RTL9: variants seen among roughly 807,000 people sequenced by gnomAD.
RTL9 encodes the protein retrotransposon Gag like 9, also known as retrotransposon Gag-like protein 9.
In RTL9, 19 loss-of-function variants were observed where a neutral mutation model predicts 44.7. That is an observed-to-expected ratio of 0.42 (90% confidence interval 0.30 to 0.62). RTL9 has a LOEUF of 0.62. Among genes scored for constraint, RTL9 ranks in the 20% least tolerant of loss-of-function variants. The pLI is 0.16. For synonymous variants in RTL9, 407 were observed against 398.9 expected (o/e 1.02, Z -0.24); for missense variants, 1,105 against 1,080.6 (o/e 1.02, Z -0.32).
intron 1 of RTL9, among the ~76,000 whole-genome samples, chrX:110,423,236 G>A (rs756904963): frequency 9.0e-6 from 1 of 110,726 alleles, no homozygotes; most frequent in Non-Finnish European, 1.9e-5. Flanking sequence ...TCTGAGACAG[G>A]AGAATTGCTT....
intron 1 of RTL9, among the ~76,000 whole-genome samples, chrX:110,423,449 C>T (rs920600935): frequency 8.9e-6 from 1 of 111,992 alleles, no homozygotes; most frequent in Admixed American, 9.4e-5. Flanking sequence ...GACTTCTCTG[C>T]TAGGGTTAAT....
At chrX:110,400,217 A>G (rs190413327) in intron 1 of RTL9, among the ~76,000 whole-genome samples, 1 of 105,904 alleles carries the variant, frequency 9.4e-6, no homozygotes, top group East Asian at 2.9e-4. Context: ...GCCACTGAGT[A>G]GATATCTTGT....
At chrX:110,395,123 T>A (rs984121015) in intron 1 of RTL9, among the ~76,000 whole-genome samples, 7 of 112,612 alleles carry the variant, frequency 6.2e-5, no homozygotes, top group Non-Finnish European at 1.1e-4. Context: ...GGCTGCTTTG[T>A]GGGAAGCCAA....
intron 2 of RTL9, 74 bp downstream of exon 2, chrX:110,445,342 CTTTG>C (rs1358105679): frequency 1.5e-4 from 17 of 112,484 alleles, no homozygotes; most frequent in African/African-American, 5.2e-4. Context: ...AAAAAAGCCA[CTTTG>C]TTTGTTTATC....
At chrX:110,433,004 C>T (rs1271597462) in intron 1 of RTL9, among the ~76,000 whole-genome samples, 2 of 112,645 alleles carry the variant, frequency 1.8e-5, no homozygotes, top group Non-Finnish European at 3.8e-5. Flanking sequence ...GAAGCAAGTC[C>T]TCGACCTCCT....
chrX:110,374,614 A>G (rs1165088765), intron 1 of RTL9, among the ~76,000 whole-genome samples: 1 of 112,202 alleles, frequency 8.9e-6, no homozygotes, highest in Non-Finnish European at 1.9e-5. Context: ...AAGTAGGGCT[A>G]TTAAGACATT....
At chrX:110,412,397 T>A (rs953612473) in intron 1 of RTL9, among the ~76,000 whole-genome samples, 3 of 112,311 alleles carry the variant, frequency 2.7e-5, no homozygotes, top group Non-Finnish European at 5.6e-5. Flanking sequence ...TTATAATACA[T>A]CCCAATAATG....
chrX:110,452,910 G>A lies in RTL9; in HGVS notation c.2293G>A (p.Glu765Lys), dbSNP rs147626656. The A allele has an allele frequency of 1.7e-5, 21 of 1,210,109 alleles. No individual in the cohort carries two copies. Among genetic ancestry groups the A allele is most frequent in the Non-Finnish European group, 7.8e-6 (7 of 895,259 alleles). The change falls in exon 1 of 2, where the codon GAA (glutamate) becomes AAA (lysine). Residue 765 changes from glutamate to lysine, a missense_variant. Glu to Lys is a moderately conservative substitution (Grantham distance 56, BLOSUM62 1). Coordinates refer to ENST00000540313, the Ensembl canonical transcript of RTL9. Reference sequence around the variant, plus strand: ...ACCAACAGTGAGAGCCTGGACCTCTGAAACAATGTCCACACCACTAATGAG... The same window carrying A: ...ACCAACAGTGAGAGCCTGGACCTCTAAAACAATGTCCACACCACTAATGAG...
At chrX:110,371,912 G>T (rs1260209483) in intron 1 of RTL9, among the ~76,000 whole-genome samples, 2 of 111,014 alleles carry the variant, frequency 1.8e-5, no homozygotes, top group Non-Finnish European at 1.9e-5. Flanking sequence ...TAAACAGTCC[G>T]TTCATTAAAC....
At chrX:110,373,848 A>G (rs1284337748) in intron 1 of RTL9, among the ~76,000 whole-genome samples, 1 of 112,242 alleles carries the variant, frequency 8.9e-6, no homozygotes, top group Non-Finnish European at 1.9e-5. Flanking sequence ...TGAGCATTGT[A>G]AGATTTTAGT....
chrX:110,415,169 C>G (rs1443895112), upstream of RTL9, among the ~76,000 whole-genome samples: 1 of 112,000 alleles, frequency 8.9e-6, no homozygotes, highest in Non-Finnish European at 1.9e-5. Context: ...GGCCGTAGCA[C>G]CAGAGCCATG....
At chrX:110,442,797 C>T (rs189732036) in intron 1 of RTL9, among the ~76,000 whole-genome samples, 4 of 111,754 alleles carry the variant, frequency 3.6e-5, no homozygotes, top group African/African-American at 1.3e-4. Context: ...CTTGGTACCA[C>T]GTGACCCTGC....
At chrX:110,437,126 C>T (rs1042389735) in intron 1 of RTL9, among the ~76,000 whole-genome samples, 5 of 111,409 alleles carry the variant, frequency 4.5e-5, no homozygotes, top group Non-Finnish European at 5.7e-5. Flanking sequence ...TCAGAACTAG[C>T]GAGAGGAAAG....
At chrX:110,419,075 C>T (rs746573264) in exon 1 of RTL9, 4 of 112,228 alleles carry the variant, frequency 3.6e-5, no homozygotes, top group Non-Finnish European at 7.5e-5. Flanking sequence ...GCCTCAGCCC[C>T]GCCCTACTGA....
At chrX:110,363,398 G>A (rs2148252266) in intron 1 of RTL9, among the ~76,000 whole-genome samples, 1 of 111,903 alleles carries the variant, frequency 8.9e-6, no homozygotes, top group African/African-American at 3.2e-5. Flanking sequence ...ATTGCCCACT[G>A]TAGAAATGAG....
At chrX:110,414,738 G>A (rs1024638605), upstream of RTL9, among the ~76,000 whole-genome samples, 3 of 112,186 alleles carry the variant, frequency 2.7e-5, no homozygotes, top group East Asian at 8.4e-4. Context: ...TCTGTTGCTG[G>A]GACAATCTTT....
At chrX:110,410,979 C>T (rs2068638178) in intron 1 of RTL9, among the ~76,000 whole-genome samples, 1 of 112,377 alleles carries the variant, frequency 8.9e-6, no homozygotes, top group Admixed American at 9.4e-5. Context: ...AATGGCAAAT[C>T]TATCTGCTCT....
intron 1 of RTL9, among the ~76,000 whole-genome samples, chrX:110,361,239 T>G (rs2068261638): frequency 9.0e-6 from 1 of 111,436 alleles, no homozygotes; most frequent in African/African-American, 3.3e-5. Context: ...TTTTTCCCTC[T>G]TTCATATCCT....
upstream of RTL9, among the ~76,000 whole-genome samples, chrX:110,446,102 T>C (rs1040441382): frequency 2.7e-5 from 3 of 111,318 alleles, no homozygotes; most frequent in African/African-American, 9.8e-5. Context: ...TTGCAAGCAA[T>C]TGAATGATAT....
Sources: allele counts gnomAD v4.1 joint callset (sites outside exome capture counted in the v4.1 genomes callset), GRCh38; gene constraint gnomAD v4.1.1; transcripts MANE v1.5; gene names NCBI Gene and HGNC (gene_info 2026-07-23, HGNC 2026-07-21).